Variants in ZSCAN5B observed in about 807,000 individuals in gnomAD.
ZSCAN5B encodes zinc finger and SCAN domain containing 5B.
In ZSCAN5B, 26 loss-of-function variants were observed where a neutral mutation model predicts 25.2. The observed-to-expected ratio is 1.03, with a 90% CI of 0.76 to 1.43. ZSCAN5B has a LOEUF of 1.43. Ranked by LOEUF, ZSCAN5B falls within the 40% of genes most tolerant of loss-of-function variation. ZSCAN5B has a pLI of 0.00. For synonymous variants in ZSCAN5B, 244 were observed against 240.9 expected, an observed-to-expected ratio of 1.01 and a Z score of -0.12; for missense variants, 745 against 622.1, an observed-to-expected ratio of 1.20 and a Z score of -2.10.
At chr19:56,190,565 T>C in exon 5 of ZSCAN5B, 1 of 1,611,140 alleles carries the variant, frequency 6.2e-7, no homozygotes, top group Non-Finnish European at 8.5e-7. Flanking sequence ...CCTCCTTTGC[T>C]CTCACCAGAT....
rs543238210 is a variant in ZSCAN5B at position 56,193,329 on chromosome 19, C to T, written c.-127-150G>A. 9.5e-5 allele frequency: 37 copies of T among 387,870 alleles called. No individual in the cohort carries two copies. The South Asian group carries it at 2.2e-3, about 23-fold the overall frequency. The allele number at this position is 387,870 out of a possible 1,614,324, so 24.0% of individuals were successfully genotyped here. A position where few individuals can be genotyped will look rare whatever the true frequency, so the allele number is the denominator to read the frequency against. Reference sequence around the variant, plus strand: ...ATGAATCCACTCTGTTCTTCTCTGACTACATGTTCTGGGGTAAAATCTGAA... The same window carrying T: ...ATGAATCCACTCTGTTCTTCTCTGATTACATGTTCTGGGGTAAAATCTGAA... On this transcript the variant is annotated intron_variant, in intron 1 of 4. Transcript: ENST00000586855.
rs145186438 is a variant in ZSCAN5B at position 56,196,127 on chromosome 19, C to G, written c.-128+1607G>C. On this transcript the variant is annotated intron_variant, in intron 1 of 4. Transcript: ENST00000586855. ...CAGTGCAGTGGCCGATCTGGGCTCA[C>G]TGCCACCTCTGCCTCCCGGGTTCAA... Among the ~76,000 whole-genome samples the G allele has an allele frequency of 1.0e-3, 158 of 152,364 alleles. 1 individual carries two copies. The East Asian group carries it at 0.017, about 16-fold the overall frequency.
intron 1 of ZSCAN5B, 63 bp downstream of exon 1, chr19:56,197,671 T>C (rs1315584157): frequency 1.1e-6 from 1 of 929,304 alleles, no homozygotes; most frequent in Non-Finnish European, 1.3e-6. Context: ...ACCCAAACTT[T>C]CTGAAACCAA....
rs10414235 is a variant in ZSCAN5B, at chr19:56,192,649, A to T, written c.384+20T>A. ...ATCCCAGCTCCCCTTCCCTGCACCA[A>T]TCACGAGGTTCCCACTCACCCATTT... On this transcript the variant is annotated intron_variant, in intron 2 of 4. Transcript: ENST00000586855. The T allele has an allele frequency of 4.4e-6, 7 of 1,589,316 alleles. No individual in the cohort carries two copies. Among genetic ancestry groups the T allele is most frequent in the Non-Finnish European group, 5.1e-6 (6 of 1,166,376 alleles).
At chr19:56,192,193 AC>A in intron 2 of ZSCAN5B, 140 bp from the exon 3 acceptor site, 1 of 833,610 alleles carries the variant, frequency 1.2e-6, no homozygotes, top group Non-Finnish European at 1.8e-6. Context: ...AGCTCTGTGG[AC>A]ACAGCAATCT....
At position 56,191,984 on chromosome 19, in the gene ZSCAN5B, C is replaced by A. The variant is rs201505305; in HGVS notation, c.454G>T (p.Ala152Ser). 8.1e-6 allele frequency: 13 copies of A among 1,613,864 alleles called. No individual in the cohort carries two copies. Among genetic ancestry groups the A allele is most frequent in the South Asian group, 2.2e-5 (2 of 91,058 alleles). ...TCTCTCGGATCATCTCTGACACTGG[C>A]GGGGGCTTCAGCCATCTCGACATCT... is the stretch of plus-strand genomic sequence containing the variant. The change falls in exon 3 of 5, where the codon GCC becomes TCC. Residue 152 changes from alanine (A) to serine (S), a missense_variant. Transcript: ENST00000586855.
At chr19:56,193,517 G>T (rs559289057) in intron 1 of ZSCAN5B, among the ~76,000 whole-genome samples, 1 of 152,172 alleles carries the variant, frequency 6.6e-6, no homozygotes, top group Admixed American at 6.5e-5. Flanking sequence ...ATGTTTTCCC[G>T]TCAAGACAAG....
At chr19:56,193,976 T>G (rs2032775112) in intron 1 of ZSCAN5B, among the ~76,000 whole-genome samples, 2 of 133,038 alleles carry the variant, frequency 1.5e-5, no homozygotes, top group African/African-American at 5.5e-5. Context: ...AAAAAAAAAA[T>G]CCTATGAGAA....
At chr19:56,196,101 G>A (rs1285859760) in intron 1 of ZSCAN5B, among the ~76,000 whole-genome samples, 1 of 152,172 alleles carries the variant, frequency 6.6e-6, no homozygotes, top group Non-Finnish European at 1.5e-5. Context: ...CCCCCAGGCT[G>A]CAGTGCAGTG....
At chr19:56,193,298 G>A in intron 1 of ZSCAN5B, 119 bp from the exon 2 acceptor site, 1 of 465,446 alleles carries the variant, frequency 2.1e-6, no homozygotes, top group East Asian at 3.4e-5. Context: ...ACTCAGCCCT[G>A]TGGAAATGAA....
chr19:56,196,362 T>A (rs962233371), intron 1 of ZSCAN5B, among the ~76,000 whole-genome samples: 1 of 152,142 alleles, frequency 6.6e-6, no homozygotes, highest in Non-Finnish European at 1.5e-5. Context: ...ATTAAAACTT[T>A]TTTTTAAAAA....
chr19:56,197,755 C>G (rs1406685273), exon 1 of ZSCAN5B: 4 of 985,286 alleles, frequency 4.1e-6, no homozygotes, highest in South Asian at 4.7e-5. Flanking sequence ...CTTCTGCCTC[C>G]GACCTTCTCG....
At chr19:56,190,395 G>A (rs1330322382) in exon 5 of ZSCAN5B, 1 of 1,614,108 alleles carries the variant, frequency 6.2e-7, no homozygotes, top group Non-Finnish European at 8.5e-7. Flanking sequence ...CTCTTCTTGG[G>A]AAATGGAGGA....
rs534530081 is a variant in ZSCAN5B, at chr19:56,197,787, C to A, written c.-181G>T. ...CTCGGTCTGGGATGCGCTCTCCAAC[C>A]GGCCTGGAGCTGAACTGCGTCTATT... is the stretch of plus-strand genomic sequence containing the variant. On this transcript the variant is annotated 5_prime_UTR_variant, in exon 1 of 5. Transcript: ENST00000586855. 4.1e-6 allele frequency: 4 copies of A among 985,362 alleles called. No individual in the cohort carries two copies. The African/African-American group carries it at 5.2e-5, about 13-fold the overall frequency. 61.0% of individuals were successfully genotyped at this position (985,362 alleles called of 1,614,324 possible).
chr19:56,190,311 G>C, exon 5 of ZSCAN5B: 1 of 1,614,154 alleles, frequency 6.2e-7, no homozygotes, highest in Non-Finnish European at 8.5e-7. Context: ...CGCAGGGCCT[G>C]GGGAATGAAC....
Position 56,190,274 on chromosome 19 carries a change from T to C in ZSCAN5B, c.1041A>G (p.Gln347=), listed in dbSNP as rs750693038. 1.1e-4 allele frequency: 174 copies of C among 1,614,104 alleles called. 1 individual carries two copies. The South Asian group carries it at 1.8e-3, about 16-fold the overall frequency. ...CAAAGGGCGGCAGGGCCTTGGCTTC[T>C]TGGCCATCTGGGTGACTGACCGGGC... Residue 347 remains glutamine, a synonymous_variant, in exon 5 of 5, where the codon CAA becomes CAG. Transcript: ENST00000586855.
exon 3 of ZSCAN5B, chr19:56,191,940 G>C (rs1358302299): frequency 1.2e-6 from 2 of 1,614,100 alleles, no homozygotes; most frequent in South Asian, 2.2e-5. Context: ...TCACAGAGGA[G>C]GCCCACTGGC....
chr19:56,196,548 G>A (rs115241875), intron 1 of ZSCAN5B, among the ~76,000 whole-genome samples: 1 of 152,166 alleles, frequency 6.6e-6, no homozygotes, highest in African/African-American at 2.4e-5. Context: ...TGCACAATGC[G>A]TACACACCTT....
chr19:56,193,229 A>C, intron 1 of ZSCAN5B, 50 bp from the exon 2 acceptor site: 2 of 695,712 alleles, frequency 2.9e-6, no homozygotes, highest in Non-Finnish European at 4.5e-6. Context: ...TACTCCACAC[A>C]CCCCTCCCTT....
Sources: allele counts gnomAD v4.1 joint callset (sites outside exome capture counted in the v4.1 genomes callset), GRCh38; gene constraint gnomAD v4.1.1; transcripts MANE v1.5; gene names NCBI Gene and HGNC (gene_info 2026-07-23, HGNC 2026-07-21).